WDFY1: variants seen among roughly 807,000 people sequenced by gnomAD.
The protein encoded by WDFY1 is WD repeat and FYVE domain containing 1, also known as WD repeat and FYVE domain-containing protein 1.
In WDFY1, 32 loss-of-function variants were observed where a neutral mutation model predicts 56.4. The ratio of observed to expected loss-of-function variants is 0.57; its 90% confidence interval spans 0.43 to 0.76. The LOEUF is 0.76. Ranked by LOEUF, WDFY1 falls within the 30% of genes least tolerant of loss-of-function variation. The probability of loss-of-function intolerance (pLI) is 0.00; values close to 1 mark genes in which losing one functional copy is unlikely to be tolerated. For synonymous variants in WDFY1, 192 were observed against 197.3 expected, an observed-to-expected ratio of 0.97 and a Z score of 0.23; for missense variants, 480 against 545.7, an observed-to-expected ratio of 0.88 and a Z score of 1.20.
chr2:223,894,518 T>C lies in WDFY1; in HGVS notation c.726-179A>G. 1.2e-5 allele frequency: 7 copies of C among 601,772 alleles called. No individual in the cohort carries two copies. The South Asian group carries it at 1.4e-4, about 12-fold the overall frequency. 37.3% of individuals were successfully genotyped at this position (601,772 alleles called of 1,614,324 possible). ...TTACTTGGCATTTTATAACTCATAATACAGAATGATACTTTCTATAAAATA... is the reference window on the plus strand; with the variant it reads ...TTACTTGGCATTTTATAACTCATAACACAGAATGATACTTTCTATAAAATA... On this transcript the variant is annotated intron_variant, in intron 7 of 11. Coordinates refer to ENST00000233055, the MANE Select transcript of WDFY1 (RefSeq NM_020830.5).
intron 6 of WDFY1, among the ~76,000 whole-genome samples, chr2:223,897,971 G>A (rs989570153): frequency 1.3e-5 from 2 of 152,140 alleles, no homozygotes; most frequent in South Asian, 4.1e-4. Flanking sequence ...TGTACAGCCT[G>A]TAGATCCACG....
chr2:223,895,037 C>T (rs1190072162), intron 7 of WDFY1, among the ~76,000 whole-genome samples: 2 of 152,188 alleles, frequency 1.3e-5, no homozygotes, highest in Non-Finnish European at 2.9e-5. Flanking sequence ...AGGTGAATTC[C>T]ACTGTCAAAC....
At chr2:223,907,530 T>C (rs1693617778) in intron 3 of WDFY1, among the ~76,000 whole-genome samples, 1 of 152,204 alleles carries the variant, frequency 6.6e-6, no homozygotes, top group African/African-American at 2.4e-5. Flanking sequence ...TAACAGTTCT[T>C]ATGTGCCATC....
chr2:223,900,191 G>C (rs961632461), intron 5 of WDFY1, among the ~76,000 whole-genome samples: 1 of 152,104 alleles, frequency 6.6e-6, no homozygotes, highest in Non-Finnish European at 1.5e-5. Flanking sequence ...CGTAAACTAG[G>C]GCATGAACTG....
intron 8 of WDFY1, among the ~76,000 whole-genome samples, chr2:223,886,515 A>G (rs1693176935): frequency 6.6e-6 from 1 of 152,160 alleles, no homozygotes; most frequent in Non-Finnish European, 1.5e-5. Context: ...ACCTGAGGTC[A>G]GGAGTTCAAG....
intron 3 of WDFY1, among the ~76,000 whole-genome samples, chr2:223,909,597 T>C (rs1211118735): frequency 6.6e-6 from 1 of 151,836 alleles, no homozygotes. Flanking sequence ...CACTGTCCCC[T>C]CTCCCTCCAA....
intron 1 of WDFY1, among the ~76,000 whole-genome samples, chr2:223,940,511 G>C (rs766349365): frequency 6.6e-6 from 1 of 152,162 alleles, no homozygotes; most frequent in Non-Finnish European, 1.5e-5. Context: ...TGTACTCGTA[G>C]AGAAAAGGGA....
At chr2:223,915,885 C>T (rs1243827822) in intron 2 of WDFY1, among the ~76,000 whole-genome samples, 1 of 152,162 alleles carries the variant, frequency 6.6e-6, no homozygotes, top group African/African-American at 2.4e-5. Flanking sequence ...ATCAGACAGG[C>T]TCCATAAGCA....
intron 1 of WDFY1, among the ~76,000 whole-genome samples, chr2:223,926,721 G>A (rs1335644302): frequency 6.6e-6 from 1 of 152,094 alleles, no homozygotes; most frequent in African/African-American, 2.4e-5. Context: ...AGGCTGGAGT[G>A]CAGTGGCACA....
At chr2:223,936,147 T>C (rs574249488) in intron 1 of WDFY1, among the ~76,000 whole-genome samples, 1 of 147,764 alleles carries the variant, frequency 6.8e-6, no homozygotes, top group East Asian at 2.1e-4. Context: ...CTGCAACCTA[T>C]GCCCCTTGGG....
intron 1 of WDFY1, among the ~76,000 whole-genome samples, chr2:223,934,235 CACA>C (rs1231658078): frequency 6.6e-6 from 1 of 151,770 alleles, no homozygotes; most frequent in Non-Finnish European, 1.5e-5. Context: ...ACTACAGGCG[CACA>C]ACACCTCACC....
At chr2:223,888,586 A>ATTT (rs71058954) in intron 8 of WDFY1, among the ~76,000 whole-genome samples, 104,946 of 131,286 alleles carry the variant, frequency 0.8, 43,830 homozygotes, top group South Asian at 0.93. Context: ...TAAATTCTCA[A>ATTT]TTTTTTTTTT....
At chr2:223,883,480 C>A (rs1693110287) in intron 9 of WDFY1, among the ~76,000 whole-genome samples, 1 of 152,138 alleles carries the variant, frequency 6.6e-6, no homozygotes, top group Non-Finnish European at 1.5e-5. Flanking sequence ...GCACTAATTA[C>A]CATCAGCCAT....
chr2:223,922,120 T>C (rs1693898054), intron 1 of WDFY1, among the ~76,000 whole-genome samples: 1 of 152,180 alleles, frequency 6.6e-6, no homozygotes, highest in Non-Finnish European at 1.5e-5. Context: ...ATCCTCACAT[T>C]CCCTGAATAC....
intron 7 of WDFY1, among the ~76,000 whole-genome samples, chr2:223,894,860 T>A (rs1331784788): frequency 6.6e-6 from 1 of 152,198 alleles, no homozygotes; most frequent in Non-Finnish European, 1.5e-5. Context: ...TCTTGGCCTG[T>A]TATACTTGTG....
chr2:223,939,358 T>C (rs1246589632), intron 1 of WDFY1, among the ~76,000 whole-genome samples: 1 of 152,198 alleles, frequency 6.6e-6, no homozygotes, highest in Admixed American at 6.5e-5. Context: ...TATTGACATT[T>C]GGGGCTCAAT....
intron 9 of WDFY1, 112 bp downstream of exon 9, chr2:223,884,536 G>A (rs1327403027): frequency 1.2e-5 from 11 of 943,654 alleles, no homozygotes; most frequent in African/African-American, 1.6e-5. Flanking sequence ...AGAAAATGTA[G>A]GAATTAATAG....
intron 9 of WDFY1, among the ~76,000 whole-genome samples, chr2:223,884,344 T>G (rs1402048897): frequency 6.6e-6 from 1 of 152,182 alleles, no homozygotes; most frequent in Non-Finnish European, 1.5e-5. Flanking sequence ...CATAAAACAC[T>G]GACTTTAATA....
intron 1 of WDFY1, 84 bp downstream of exon 1, chr2:223,945,064 G>A: frequency 1.4e-6 from 2 of 1,441,038 alleles, no homozygotes; most frequent in Admixed American, 2.4e-5. Flanking sequence ...CCCTCACGCA[G>A]GAAGGACCGG....
Sources: gnomAD v4.1 joint callset for allele counts (sites outside exome capture counted in the v4.1 genomes callset) on GRCh38, gnomAD v4.1.1 for gene constraint, MANE v1.5 for transcripts, NCBI Gene and HGNC (gene_info 2026-07-23, HGNC 2026-07-21) for gene names.